The following MAP7 variants were observed in gnomAD, a reference collection of about 807,000 sequenced individuals.
The protein encoded by MAP7 is ensconsin.
Under a neutral mutation model 94.8 loss-of-function variants are expected in MAP7, and 52 were observed. That is an observed-to-expected ratio of 0.55 (90% CI 0.44 to 0.69). The LOEUF is 0.69. MAP7 is among the 30% of genes least tolerant of loss of function. The pLI is 0.00. For missense variants in MAP7, 940 were observed against 964.6 expected (o/e 0.97, Z 0.34); for synonymous variants, 350 against 357.0 (o/e 0.98, Z 0.22).
intron 1 of MAP7, among the ~76,000 whole-genome samples, chr6:136,465,977 A>C (rs749165000): frequency 4.6e-5 from 7 of 152,152 alleles, no homozygotes; most frequent in Non-Finnish European, 4.4e-5. Context: ...CTAAAAATTA[A>C]ACTTGATAGA....
intron 1 of MAP7, among the ~76,000 whole-genome samples, chr6:136,510,848 C>T (rs1259841826): frequency 6.6e-6 from 1 of 151,856 alleles, no homozygotes. Context: ...TTTCAGGCAT[C>T]GACTGAGGCT....
chr6:136,417,398 C>A (rs1165171287), intron 2 of MAP7, among the ~76,000 whole-genome samples: 1 of 152,164 alleles, frequency 6.6e-6, no homozygotes, highest in Non-Finnish European at 1.5e-5. Flanking sequence ...TTACACACAT[C>A]TGAGAGTACG....
chr6:136,518,373 A>G (rs1217357781), intron 1 of MAP7, among the ~76,000 whole-genome samples: 1 of 152,194 alleles, frequency 6.6e-6, no homozygotes, highest in Non-Finnish European at 1.5e-5. Flanking sequence ...ATTGCTGGGC[A>G]GATAGCCTGA....
At chr6:136,498,153 A>G (rs953491523) in intron 1 of MAP7, among the ~76,000 whole-genome samples, 1 of 152,148 alleles carries the variant, frequency 6.6e-6, no homozygotes, top group Non-Finnish European at 1.5e-5. Context: ...ACATACACAT[A>G]TACTTGATAA....
intron 1 of MAP7, chr6:136,476,035 C>T (rs528934325): frequency 6.6e-6 from 1 of 152,308 alleles, no homozygotes; most frequent in Admixed American, 6.5e-5. Flanking sequence ...TCCACTTATA[C>T]ATTCTTTTTT....
chr6:136,468,695 T>C (rs1807943485), intron 1 of MAP7, among the ~76,000 whole-genome samples: 2 of 152,184 alleles, frequency 1.3e-5, no homozygotes, highest in African/African-American at 4.8e-5. Context: ...AGAAACAGAA[T>C]TGTTGTATGG....
chr6:136,344,245 GA>G lies in MAP7; in HGVS notation c.2240-8del. ...AGAAACACTCATATAACTTCTACAT[GA>G]AGAGACAGAAAAAGAACAAGATTAA... On this transcript the variant is annotated splice_region_variant and splice_polypyrimidine_tract_variant and intron_variant, in intron 17 of 17. Coordinates refer to ENST00000354570, the MANE Select transcript of MAP7 (RefSeq NM_003980.6). 7.6e-7 allele frequency: 1 copy of G among 1,315,916 alleles called. No individual in the cohort carries two copies. Among genetic ancestry groups the G allele is most frequent in the Non-Finnish European group, 1.0e-6 (1 of 985,342 alleles). 81.5% of individuals were successfully genotyped at this position (1,315,916 alleles called of 1,614,324 possible).
At chr6:136,458,190 C>T (rs1803989824) in intron 1 of MAP7, among the ~76,000 whole-genome samples, 1 of 152,048 alleles carries the variant, frequency 6.6e-6, no homozygotes, top group African/African-American at 2.4e-5. Context: ...ACAATAGCAT[C>T]AAAAATTACT....
chr6:136,360,860 G>A, intron 12 of MAP7, 62 bp from the exon 13 acceptor site: 2 of 1,589,804 alleles, frequency 1.3e-6, no homozygotes, highest in African/African-American at 1.3e-5. Flanking sequence ...GTCTCCCAGG[G>A]GGTGCCCAGA....
chr6:136,463,900 C>A (rs865837743), intron 1 of MAP7, among the ~76,000 whole-genome samples: 1 of 152,144 alleles, frequency 6.6e-6, no homozygotes, highest in Non-Finnish European at 1.5e-5. Flanking sequence ...TGTTCGAGTG[C>A]CTTGCTTAAC....
Position 136,506,434 on chromosome 6 carries a change from TAGG to T in MAP7, c.67+43905_67+43907del, listed in dbSNP as rs1477281496. On this transcript the variant is annotated intron_variant, in intron 1 of 17. Coordinates refer to ENST00000354570, the MANE Select transcript of MAP7 (RefSeq NM_003980.6). ...AAATGTGGGGAGGGAAGGGCATTGG[TAGG>T]AGTTTTTAGAGGACACAATCCACAG... Among the ~76,000 whole-genome samples the T allele has an allele frequency of 2.0e-5, 3 of 152,204 alleles. No homozygotes were observed. The East Asian group carries it at 5.8e-4, about 29-fold the overall frequency.
chr6:136,487,700 C>CTTGA (rs1562454854), intron 1 of MAP7, among the ~76,000 whole-genome samples: 1 of 150,552 alleles, frequency 6.6e-6, no homozygotes, highest in Non-Finnish European at 1.5e-5. Flanking sequence ...CAGAGCATGA[C>CTTGA]TTGATCTCCA....
intron 3 of MAP7, among the ~76,000 whole-genome samples, chr6:136,407,375 G>C (rs1199008419): frequency 6.6e-6 from 1 of 152,202 alleles, no homozygotes; most frequent in Non-Finnish European, 1.5e-5. Context: ...AGTTATGCAA[G>C]ATATAGTATA....
chr6:136,511,487 G>A (rs1005432874), intron 1 of MAP7, among the ~76,000 whole-genome samples: 1 of 140,696 alleles, frequency 7.1e-6, no homozygotes, highest in African/African-American at 3.0e-5. Flanking sequence ...GTTTTTCTGG[G>A]CCTTAAAAAA....
chr6:136,460,133 T>C (rs1292852787), intron 1 of MAP7, among the ~76,000 whole-genome samples: 1 of 151,992 alleles, frequency 6.6e-6, no homozygotes, highest in Non-Finnish European at 1.5e-5. Context: ...TAAAGTAACA[T>C]GTGTAACTGT....
chr6:136,411,744 A>T, intron 2 of MAP7, 47 bp from the exon 3 acceptor site: 1 of 1,426,790 alleles, frequency 7.0e-7, no homozygotes, highest in South Asian at 1.3e-5. Flanking sequence ...TGGATTAAAA[A>T]AAAAAAGAAA....
intron 3 of MAP7, 32 bp downstream of exon 3, chr6:136,411,588 A>G: frequency 6.5e-7 from 1 of 1,545,924 alleles, no homozygotes; most frequent in Non-Finnish European, 8.8e-7. Flanking sequence ...CATCCATTCA[A>G]ATCAGGGCCA....
intron 16 of MAP7, among the ~76,000 whole-genome samples, chr6:136,346,867 G>T (rs779493843): frequency 2.6e-5 from 4 of 152,170 alleles, no homozygotes; most frequent in Non-Finnish European, 5.9e-5. Flanking sequence ...CTCTGGTCCT[G>T]TGTTTTTCTC....
chr6:136,548,546 T>A (rs1180094048), intron 1 of MAP7, among the ~76,000 whole-genome samples: 2 of 152,196 alleles, frequency 1.3e-5, no homozygotes, highest in Non-Finnish European at 2.9e-5. Context: ...GTGGAAGAAA[T>A]GTTTTCTATG....
Sources: gnomAD v4.1 joint callset for allele counts (sites outside exome capture counted in the v4.1 genomes callset) on GRCh38, gnomAD v4.1.1 for gene constraint, MANE v1.5 for transcripts, NCBI Gene and HGNC (gene_info 2026-07-23, HGNC 2026-07-21) for gene names.